CAPN9: variants seen among roughly 807,000 people sequenced by gnomAD.
CAPN9 encodes the protein calpain-9.
In CAPN9, 81 loss-of-function variants were observed where a neutral mutation model predicts 92.8. The observed-to-expected ratio is 0.87, with a 90% CI of 0.73 to 1.05. The LOEUF (loss-of-function observed/expected upper bound fraction) is 1.05. Among genes scored for constraint, CAPN9 ranks in the 50% least tolerant of loss-of-function variants. The pLI is 0.00. For missense variants in CAPN9, 848 were observed against 866.2 expected (o/e 0.98, Z 0.26); for synonymous variants, 304 against 328.0 (o/e 0.93, Z 0.79).
At chr1:230,757,933 A>G (rs1226833491) in intron 2 of CAPN9, among the ~76,000 whole-genome samples, 1 of 151,960 alleles carries the variant, frequency 6.6e-6, no homozygotes, top group Non-Finnish European at 1.5e-5. Context: ...AGATGGTGCC[A>G]CTTCACTCCA....
Position 230,801,848 on chromosome 1 carries a change from G to T in CAPN9, c.*252G>T, listed in dbSNP as rs1668741823. 3.7e-6 allele frequency: 2 copies of T among 538,658 alleles called. No individual in the cohort carries two copies. Among genetic ancestry groups the T allele is most frequent in the South Asian group, 2.9e-5 (1 of 34,790 alleles). The allele number at this position is 538,658 out of a possible 1,614,324, so 33.4% of individuals were successfully genotyped here. ...CACCTGTGCCTTACATCCAGGTTCA[G>T]GCATCACTAGCTTTCCCACACTCTA... is the stretch of plus-strand genomic sequence containing the variant. On this transcript the variant is annotated 3_prime_UTR_variant, in exon 20 of 20. Transcript: ENST00000271971.
intron 1 of CAPN9, among the ~76,000 whole-genome samples, chr1:230,749,967 A>G (rs1316408): frequency 0.2 from 30,323 of 152,110 alleles, 3,314 homozygotes; most frequent in Non-Finnish European, 0.26. Context: ...AGAATTCTCC[A>G]AGATAAAAGC....
chr1:230,765,245 A>ACACACACACACACT (rs1665905195), intron 4 of CAPN9, among the ~76,000 whole-genome samples: 1 of 151,250 alleles, frequency 6.6e-6, no homozygotes, highest in South Asian at 2.1e-4. Flanking sequence ...ACACACACAC[A>ACACACACACACACT]CACACACACA....
At chr1:230,767,368 C>T (rs1450571197) in intron 4 of CAPN9, among the ~76,000 whole-genome samples, 173 bp from the exon 5 acceptor site, 1 of 152,092 alleles carries the variant, frequency 6.6e-6, no homozygotes, top group Non-Finnish European at 1.5e-5. Flanking sequence ...TTGGCTTCCT[C>T]GAAGCTCCAA....
chr1:230,797,648 G>A (rs1407011200), intron 18 of CAPN9, among the ~76,000 whole-genome samples: 2 of 152,186 alleles, frequency 1.3e-5, no homozygotes, highest in South Asian at 2.1e-4. Context: ...GAGGCCCCAA[G>A]AGGGCAGTGA....
At chr1:230,800,237 A>AGAC (rs1668601316) in intron 19 of CAPN9, among the ~76,000 whole-genome samples, 1 of 65,588 alleles carries the variant, frequency 1.5e-5, no homozygotes, top group African/African-American at 6.5e-5. Context: ...GAAAGAAGAA[A>AGAC]GAAAGAAAGA....
chr1:230,759,636 A>T lies in CAPN9; in HGVS notation c.402+6A>T. The T allele has an allele frequency of 6.3e-7, 1 of 1,589,568 alleles. No individual in the cohort carries two copies. The highest frequency in any genetic ancestry group is 8.6e-7 in the Non-Finnish European group (1 of 1,166,102). Reference sequence around the variant, plus strand: ...CCGGGATATTCCATTTCCAGGTAAGAGGGAGCCCTGGGCCAGTGGGTTTAC... The same window carrying T: ...CCGGGATATTCCATTTCCAGGTAAGTGGGAGCCCTGGGCCAGTGGGTTTAC... On this transcript the variant is annotated splice_donor_region_variant and intron_variant, in intron 3 of 19. Coordinates refer to ENST00000271971, the MANE Select transcript of CAPN9 (RefSeq NM_006615.3).
At chr1:230,782,887 G>A (rs918243538) in intron 11 of CAPN9, among the ~76,000 whole-genome samples, 23 of 152,106 alleles carry the variant, frequency 1.5e-4, no homozygotes, top group Non-Finnish European at 2.9e-4. Flanking sequence ...ATGGTGGCAC[G>A]TGCCTGTAAT....
At chr1:230,794,302 T>C (rs972332194) in intron 17 of CAPN9, among the ~76,000 whole-genome samples, 13 of 151,890 alleles carry the variant, frequency 8.6e-5, no homozygotes, top group African/African-American at 3.1e-4. Context: ...GCCAACATGA[T>C]GAAACCCCGC....
intron 14 of CAPN9, among the ~76,000 whole-genome samples, chr1:230,790,662 C>G (rs1667921154): frequency 6.6e-6 from 1 of 152,078 alleles, no homozygotes; most frequent in Admixed American, 6.6e-5. Context: ...AATCATAGGC[C>G]GGGTGCGGTG....
At chr1:230,790,362 A>G (rs1478933205) in intron 14 of CAPN9, 173 bp downstream of exon 14, 44 of 964,478 alleles carry the variant, frequency 4.6e-5, no homozygotes, top group Non-Finnish European at 5.4e-5. Context: ...AAAACGATGC[A>G]GGTTTATAGT....
At chr1:230,792,743 CG>C (rs1668089318) in intron 16 of CAPN9, 106 bp from the exon 17 acceptor site, 1 of 938,454 alleles carries the variant, frequency 1.1e-6, no homozygotes, top group Non-Finnish European at 1.7e-6. Flanking sequence ...GTGGCCTCTG[CG>C]GCCCCTAGAG....
chr1:230,776,517 T>C (rs1309913706), intron 8 of CAPN9: 1 of 152,214 alleles, frequency 6.6e-6, no homozygotes, highest in African/African-American at 2.4e-5. Context: ...TAGAATTTCG[T>C]TGTGGCAGTT....
At chr1:230,790,111 C>A in intron 13 of CAPN9, 21 bp from the exon 14 acceptor site, 2 of 1,598,978 alleles carry the variant, frequency 1.3e-6, no homozygotes, top group Non-Finnish European at 1.7e-6. Context: ...CTATAACAAA[C>A]AATTGTCTCC....
At chr1:230,756,645 C>T (rs753071706) in intron 2 of CAPN9, among the ~76,000 whole-genome samples, 3 of 151,990 alleles carry the variant, frequency 2.0e-5, no homozygotes, top group African/African-American at 4.8e-5. Flanking sequence ...CAGAAAATAC[C>T]GTGTTCCAGG....
chr1:230,774,740 T>TTTC (rs1491178068), intron 8 of CAPN9, 109 bp downstream of exon 8: 5 of 80,788 alleles, frequency 6.2e-5, no homozygotes, highest in Non-Finnish European at 7.9e-5. Flanking sequence ...TCTTTCTTTC[T>TTTC]TTTTTTTTTT....
At chr1:230,780,079 TGC>T in intron 9 of CAPN9, 98 bp from the exon 10 acceptor site, 2 of 752,412 alleles carry the variant, frequency 2.7e-6, no homozygotes, top group Admixed American at 2.9e-5. Context: ...TAGGTGTATG[TGC>T]GTGTGTGTGT....
chr1:230,759,646 G>C lies in CAPN9; in HGVS notation c.402+16G>C. ...CCATTTCCAGGTAAGAGGGAGCCCT[G>C]GGCCAGTGGGTTTACCTCTCTGGGG... is the stretch of plus-strand genomic sequence containing the variant. On this transcript the variant is annotated intron_variant, in intron 3 of 19. Coordinates refer to ENST00000271971, the MANE Select transcript of CAPN9 (RefSeq NM_006615.3). 6.4e-7 allele frequency: 1 copy of C among 1,557,378 alleles called. No individual in the cohort carries two copies. Among genetic ancestry groups the C allele is most frequent in the Non-Finnish European group, 8.8e-7 (1 of 1,141,560 alleles).
chr1:230,765,027 T>C (rs1441126214), intron 4 of CAPN9, among the ~76,000 whole-genome samples: 2 of 152,176 alleles, frequency 1.3e-5, no homozygotes, highest in Admixed American at 6.5e-5. Context: ...AGCACACCTA[T>C]GTCTCAAGTC....
Sources: allele counts gnomAD v4.1 joint callset (sites outside exome capture counted in the v4.1 genomes callset), GRCh38; gene constraint gnomAD v4.1.1; transcripts MANE v1.5; gene names NCBI Gene and HGNC (gene_info 2026-07-23, HGNC 2026-07-21).